The following MROH9 variants were observed in gnomAD, a reference collection of about 807,000 sequenced individuals.
The protein encoded by MROH9 is maestro heat-like repeat-containing protein family member 9.
In MROH9, 92 loss-of-function variants were observed where a neutral mutation model predicts 98.2. The observed-to-expected ratio is 0.94, with a 90% CI of 0.79 to 1.11. MROH9 has a LOEUF of 1.11. Among genes scored for constraint, MROH9 ranks in the 50% most tolerant of loss-of-function variants. MROH9 has a pLI of 0.00. For missense variants in MROH9, 1,057 were observed against 1,014.8 expected, an observed-to-expected ratio of 1.04 and a Z score of -0.57; for synonymous variants, 397 against 368.9, an observed-to-expected ratio of 1.08 and a Z score of -0.87.
chr1:171,000,903 G>T (rs145866863), intron 15 of MROH9, among the ~76,000 whole-genome samples: 2 of 151,848 alleles, frequency 1.3e-5, no homozygotes, highest in Non-Finnish European at 2.9e-5. Flanking sequence ...TTTAATTACC[G>T]TTTCAATCTC....
intron 9 of MROH9, among the ~76,000 whole-genome samples, chr1:170,985,759 A>C (rs1651108454): frequency 7.1e-6 from 1 of 140,920 alleles, no homozygotes; most frequent in African/African-American, 2.6e-5. Flanking sequence ...CCCCCCTCTA[A>C]TTTTCTTCCA....
At chr1:170,976,189 G>A (rs1650678848) in intron 8 of MROH9, among the ~76,000 whole-genome samples, 1 of 152,144 alleles carries the variant, frequency 6.6e-6, no homozygotes, top group Admixed American at 6.6e-5. Flanking sequence ...ATCCTGTCAT[G>A]ATGTTAGCTG....
intron 1 of MROH9, among the ~76,000 whole-genome samples, chr1:170,944,698 G>A (rs1649254661): frequency 6.6e-6 from 1 of 152,000 alleles, no homozygotes; most frequent in Non-Finnish European, 1.5e-5. Flanking sequence ...TTTTTTAAAT[G>A]CATCACATTA....
Position 170,971,864 on chromosome 1 carries a change from C to A in MROH9, c.597C>A (p.Tyr199Ter). Residue 199 changes from tyrosine (Y) to a stop codon, truncating the protein, a stop_gained, in exon 8 of 22, where the codon TAC becomes TAA. Coordinates refer to ENST00000367759, the MANE Select transcript of MROH9 (RefSeq NM_001163629.2). LOFTEE classifies it high-confidence loss of function. ...CATTGGGAATGTGTCACCTCCTCTA[C>A]ATTGCACGGTGTCAGAACGGTAAGA... ...QASLGMCHLLYIARCQNDIGT... is the reference protein window; with the variant it reads ...QASLGMCHLL The A allele has an allele frequency of 1.2e-6, 2 of 1,614,030 alleles. No homozygotes were observed. The highest frequency in any genetic ancestry group is 8.5e-7 in the Non-Finnish European group (1 of 1,179,928).
At chr1:170,981,501 A>G (rs1309052432) in intron 8 of MROH9, among the ~76,000 whole-genome samples, 2 of 152,186 alleles carry the variant, frequency 1.3e-5, no homozygotes, top group Admixed American at 6.5e-5. Flanking sequence ...TCAGCAAACT[A>G]ACACAGGAAC....
chr1:170,958,625 A>T, intron 4 of MROH9, 85 bp downstream of exon 4: 1 of 935,906 alleles, frequency 1.1e-6, no homozygotes, highest in South Asian at 1.8e-5. Flanking sequence ...ATTGTGAAAG[A>T]TAAGAAATTA....
intron 20 of MROH9, among the ~76,000 whole-genome samples, chr1:171,038,936 A>T (rs1227466260): frequency 6.6e-6 from 1 of 152,160 alleles, no homozygotes; most frequent in African/African-American, 2.4e-5. Context: ...TCATGAAGAA[A>T]AAAAAAAGGA....
intron 8 of MROH9, 79 bp downstream of exon 8, chr1:170,971,962 C>A: frequency 7.0e-7 from 1 of 1,430,034 alleles, no homozygotes; most frequent in South Asian, 1.3e-5. Context: ...CCTGGGAAGG[C>A]TCTACGTCTG....
At chr1:170,971,360 C>T (rs1052362031) in intron 7 of MROH9, among the ~76,000 whole-genome samples, 8 of 152,148 alleles carry the variant, frequency 5.3e-5, no homozygotes, top group Non-Finnish European at 8.8e-5. Flanking sequence ...GAAGGAAGTA[C>T]TAAAGGTTTT....
At chr1:170,961,853 TA>T in intron 5 of MROH9, 36 bp from the exon 6 acceptor site, 1 of 1,112,536 alleles carries the variant, frequency 9.0e-7, no homozygotes, top group Non-Finnish European at 1.3e-6. Context: ...AAATTTTATC[TA>T]AGTCTGGCTG....
intron 7 of MROH9, among the ~76,000 whole-genome samples, chr1:170,969,350 C>T (rs1278556043): frequency 1.3e-5 from 2 of 152,162 alleles, no homozygotes; most frequent in South Asian, 2.1e-4. Context: ...TATGATTCTA[C>T]TTATGTTCCT....
chr1:170,969,950 G>A (rs1278359155), intron 7 of MROH9, among the ~76,000 whole-genome samples: 1 of 152,086 alleles, frequency 6.6e-6, no homozygotes, highest in East Asian at 1.9e-4. Context: ...TGTGCTCCAC[G>A]ATCCACGCTG....
chr1:170,988,371 T>C (rs1341851768), intron 10 of MROH9, among the ~76,000 whole-genome samples: 1 of 152,148 alleles, frequency 6.6e-6, no homozygotes, highest in Non-Finnish European at 1.5e-5. Context: ...GAGCATTCTG[T>C]AGGGCAAACA....
intron 8 of MROH9, among the ~76,000 whole-genome samples, chr1:170,972,857 CACAG>C (rs1650521818): frequency 1.4e-5 from 2 of 147,684 alleles, no homozygotes; most frequent in South Asian, 4.3e-4. Flanking sequence ...CACACACACA[CACAG>C]AGTTTTCAAT....
At chr1:171,055,725 C>A (rs1271430167) in intron 20 of MROH9, among the ~76,000 whole-genome samples, 1 of 151,528 alleles carries the variant, frequency 6.6e-6, no homozygotes, top group Non-Finnish European at 1.5e-5. Flanking sequence ...CCAAGATGTC[C>A]AACTAGAAAC....
At chr1:171,027,206 A>T (rs777655981) in intron 20 of MROH9, among the ~76,000 whole-genome samples, 2 of 151,436 alleles carry the variant, frequency 1.3e-5, no homozygotes, top group Non-Finnish European at 3.0e-5. Context: ...CCTCGCCTCA[A>T]CCCCCACCTC....
chr1:170,995,300 C>A, intron 12 of MROH9, 89 bp from the exon 13 acceptor site: 1 of 1,420,076 alleles, frequency 7.0e-7, no homozygotes, highest in Non-Finnish European at 9.7e-7. Context: ...GGAGGGGTTG[C>A]AGAGTCACTC....
intron 15 of MROH9, among the ~76,000 whole-genome samples, chr1:171,012,425 C>T (rs183854197): frequency 1.3e-5 from 2 of 152,088 alleles, no homozygotes; most frequent in East Asian, 3.9e-4. Flanking sequence ...CTCTGTCACT[C>T]CCTATCTTTC....
Position 170,951,749 on chromosome 1 carries a change from T to C in MROH9, c.72+4176T>C, listed in dbSNP as rs531645315. 5.9e-5 allele frequency among the ~76,000 whole-genome samples: 9 copies of C among 152,158 alleles called. No individual in the cohort carries two copies. In the East Asian group the frequency reaches 1.5e-3, roughly 26 times the overall value. ...GCTTCTCACTATATTAATAGCACAG[T>C]CCCAGCTGCTAAGTCCTATAAAGAC... is the stretch of plus-strand genomic sequence containing the variant. On this transcript the variant is annotated intron_variant, in intron 3 of 21. Coordinates refer to ENST00000367759, the MANE Select transcript of MROH9 (RefSeq NM_001163629.2).
Sources: allele counts gnomAD v4.1 joint callset (sites outside exome capture counted in the v4.1 genomes callset), GRCh38; gene constraint gnomAD v4.1.1; transcripts MANE v1.5; gene names NCBI Gene and HGNC (gene_info 2026-07-23, HGNC 2026-07-21).